RBM39: variants seen among roughly 807,000 people sequenced by gnomAD.
The protein encoded by RBM39 is RNA-binding protein 39.
RBM39 carries 12 observed loss-of-function variants against 79.6 expected under a neutral mutation model. That is an observed-to-expected ratio of 0.15 (90% CI 0.10 to 0.24). The LOEUF (loss-of-function observed/expected upper bound fraction) is 0.24, where lower values mean the gene tolerates loss of function less well. Ranked by LOEUF, RBM39 falls within the 10% of genes least tolerant of loss-of-function variation. RBM39 has a pLI of 1.00. For missense variants in RBM39, 243 were observed against 653.4 expected (o/e 0.37, Z 6.85); for synonymous variants, 185 against 208.4 (o/e 0.89, Z 0.97).
chr20:35,708,352 A>C (rs1407125522), intron 13 of RBM39, among the ~76,000 whole-genome samples: 1 of 152,114 alleles, frequency 6.6e-6, no homozygotes, highest in Non-Finnish European at 1.5e-5. Flanking sequence ...GGAAGACTTG[A>C]TTCTTCCAGT....
chr20:35,707,237 A>T, intron 13 of RBM39, 36 bp from the exon 14 acceptor site: 1 of 1,469,362 alleles, frequency 6.8e-7, no homozygotes, highest in Non-Finnish European at 9.5e-7. Flanking sequence ...TTTCATGGAA[A>T]ATGCATGAAA....
intron 6 of RBM39, among the ~76,000 whole-genome samples, chr20:35,726,828 A>G (rs1038944803): frequency 6.6e-6 from 1 of 151,900 alleles, no homozygotes; most frequent in Non-Finnish European, 1.5e-5. Context: ...TTGTCACAAA[A>G]GCTTTTTTTT....
chr20:35,704,343 A>AT lies in RBM39; in HGVS notation c.*137dup, dbSNP rs1175516413. On this transcript the variant is annotated 3_prime_UTR_variant, in exon 17 of 17. Coordinates refer to ENST00000253363, the MANE Select transcript of RBM39 (RefSeq NM_184234.3). ...ACACTGCATTCCTGTTAACATTTTT[A>AT]TTTTTTCAAGGTAACAGGAAATTGC... The AT allele has an allele frequency of 7.9e-6, 5 of 636,820 alleles. No individual in the cohort carries two copies. Among genetic ancestry groups the AT allele is most frequent in the Admixed American group, 3.3e-5 (1 of 30,596 alleles). The allele number at this position is 636,820 out of a possible 1,614,324, so 39.4% of individuals were successfully genotyped here.
chr20:35,727,401 C>CAAAAAA (rs145051301), intron 6 of RBM39, among the ~76,000 whole-genome samples: 5 of 108,844 alleles, frequency 4.6e-5, no homozygotes, highest in African/African-American at 1.6e-4. Flanking sequence ...CCGGGGGTCT[C>CAAAAAA]AAAAAAAAAA....
intron 3 of RBM39, among the ~76,000 whole-genome samples, chr20:35,733,452 T>C (rs1341804857): frequency 6.6e-6 from 1 of 151,748 alleles, no homozygotes; most frequent in East Asian, 1.9e-4. Context: ...TACTAAAAAA[T>C]GCAAGAAGTA....
intron 8 of RBM39, 125 bp downstream of exon 8, chr20:35,724,445 A>G: frequency 1.1e-6 from 1 of 897,380 alleles, no homozygotes; most frequent in East Asian, 2.9e-5. Flanking sequence ...AAAAAAAAAA[A>G]AAGTCCTGAA....
chr20:35,732,449 G>A (rs753099291), intron 3 of RBM39: 5 of 276,762 alleles, frequency 1.8e-5, no homozygotes, highest in South Asian at 1.3e-4. Context: ...CCAGCTACTC[G>A]GGAGGCTAAG....
chr20:35,730,891 C>T (rs2039290350), intron 4 of RBM39, among the ~76,000 whole-genome samples: 1 of 152,122 alleles, frequency 6.6e-6, no homozygotes, highest in Non-Finnish European at 1.5e-5. Flanking sequence ...AAACCAGCAT[C>T]ACGGAGTTTA....
chr20:35,734,628 A>G (rs553388791), intron 3 of RBM39: 1 of 346,764 alleles, frequency 2.9e-6, no homozygotes, highest in African/African-American at 2.1e-5. Context: ...AAAAGAAAAC[A>G]CTTGAAAATT....
At chr20:35,709,013 T>C (rs1648559838) in intron 13 of RBM39, 4 of 417,082 alleles carry the variant, frequency 9.6e-6, no homozygotes, top group Non-Finnish European at 1.7e-5. Flanking sequence ...AAAAAAAAAA[T>C]TGTTATTTTG....
intron 14 of RBM39, among the ~76,000 whole-genome samples, chr20:35,706,895 C>T (rs1364397484): frequency 1.3e-5 from 2 of 151,696 alleles, no homozygotes; most frequent in South Asian, 2.1e-4. Context: ...GGTGTGGTGG[C>T]GCATGCCTGT....
At chr20:35,736,504 T>A in intron 3 of RBM39, 4 of 440,838 alleles carry the variant, frequency 9.1e-6, no homozygotes, top group South Asian at 6.7e-5. Flanking sequence ...TGAAATTTTA[T>A]CAACCTACCT....
intron 1 of RBM39, 143 bp from the exon 2 acceptor site, chr20:35,741,030 C>CTTTTTTTTTTTTTATTTTTTTTT (rs2040452453): frequency 8.4e-6 from 1 of 118,628 alleles, no homozygotes; most frequent in East Asian, 3.0e-4. Flanking sequence ...AAACATTTTT[C>CTTTTTTTTTTTTTATTTTTTTTT]TTTTTTTTTT....
chr20:35,704,741 A>G lies in RBM39; in HGVS notation c.1419T>C (p.Asn473=), dbSNP rs1394609779. 1 of 1,612,706 alleles carries G rather than the reference A, an allele frequency of 6.2e-7. No individual in the cohort carries two copies. The highest frequency in any genetic ancestry group is 1.1e-5 in the South Asian group (1 of 90,882). ...IYVDKNSAQG[N]VYVKCPSIAA... The stretch of plus-strand genomic sequence containing the variant: ...CAATTGATGGGCACTTCACATACAC[A>G]TTGCCCTACAGAAAAAATGAAAAAA... The change falls in exon 16 of 17, where the codon AAT becomes AAC. Residue 473 remains asparagine (N), a synonymous_variant. Transcript: ENST00000253363.
intron 3 of RBM39, chr20:35,732,649 TC>T (rs2039498221): frequency 6.4e-6 from 1 of 156,304 alleles, no homozygotes; most frequent in African/African-American, 2.4e-5. Context: ...AAAGACACCA[TC>T]CTCTAAGAGT....
chr20:35,740,951 C>T, intron 1 of RBM39, 64 bp from the exon 2 acceptor site: 2 of 1,160,990 alleles, frequency 1.7e-6, no homozygotes, highest in Non-Finnish European at 1.3e-6. Context: ...ACAAGTTTCA[C>T]TCTTGTTGCC....
At chr20:35,725,226 T>C in intron 6 of RBM39, 71 bp from the exon 7 acceptor site, 1 of 1,069,744 alleles carries the variant, frequency 9.3e-7, no homozygotes, top group Non-Finnish European at 1.3e-6. Flanking sequence ...TTTTTATTTC[T>C]TCATATAGTT....
chr20:35,721,377 G>A (rs571913816), intron 9 of RBM39, among the ~76,000 whole-genome samples: 1 of 152,186 alleles, frequency 6.6e-6, no homozygotes, highest in African/African-American at 2.4e-5. Context: ...AAGGTGGAGT[G>A]AAGTGGCATA....
At chr20:35,720,604 T>TAAA (rs61224365) in intron 9 of RBM39, among the ~76,000 whole-genome samples, 3 of 130,958 alleles carry the variant, frequency 2.3e-5, no homozygotes, top group Admixed American at 7.8e-5. Flanking sequence ...GCCCTGTCTC[T>TAAA]AAAAAAAAAA....
Sources: gnomAD v4.1 joint callset for allele counts (sites outside exome capture counted in the v4.1 genomes callset) on GRCh38, gnomAD v4.1.1 for gene constraint, MANE v1.5 for transcripts, NCBI Gene and HGNC (gene_info 2026-07-23, HGNC 2026-07-21) for gene names.